The following EPM2A variants were observed in gnomAD, a reference collection of about 807,000 sequenced individuals.
EPM2A encodes laforin.
In EPM2A, 21 loss-of-function variants were observed where a neutral mutation model predicts 26.5. The ratio of observed to expected loss-of-function variants is 0.79; its 90% confidence interval spans 0.56 to 1.14. EPM2A has a LOEUF of 1.14. Among genes scored for constraint, EPM2A ranks in the 50% most tolerant of loss-of-function variants. The pLI, the probability that EPM2A is intolerant of heterozygous loss-of-function variation, is 0.00. For synonymous variants in EPM2A, 217 were observed against 177.6 expected (o/e 1.22, Z -1.76); for missense variants, 458 against 440.8 (o/e 1.04, Z -0.35).
At chr6:145,428,039 C>T (rs1582747326) in intron 4 of EPM2A, among the ~76,000 whole-genome samples, 1 of 133,262 alleles carries the variant, frequency 7.5e-6, no homozygotes, top group African/African-American at 2.7e-5. Flanking sequence ...TTTCTGTTTA[C>T]TGTGTTTTCT....
At chr6:145,648,808 T>C (rs1251352997) in intron 2 of EPM2A, among the ~76,000 whole-genome samples, 1 of 152,192 alleles carries the variant, frequency 6.6e-6, no homozygotes, top group Non-Finnish European at 1.5e-5. Flanking sequence ...CTTCCCCTTG[T>C]TGGGGGATTG....
chr6:145,543,915 G>C (rs918278592), intron 2 of EPM2A, among the ~76,000 whole-genome samples: 3 of 152,202 alleles, frequency 2.0e-5, no homozygotes, highest in Non-Finnish European at 4.4e-5. Flanking sequence ...AACGTGGGGA[G>C]CCAAAATGGG....
At chr6:145,474,582 A>C (rs563743335) in intron 4 of EPM2A, among the ~76,000 whole-genome samples, 1 of 152,206 alleles carries the variant, frequency 6.6e-6, no homozygotes, top group Non-Finnish European at 1.5e-5. Flanking sequence ...CATGACTAAA[A>C]CACCAAAAGC....
chr6:145,582,216 A>G (rs1261415042), intron 2 of EPM2A, among the ~76,000 whole-genome samples: 1 of 152,026 alleles, frequency 6.6e-6, no homozygotes, highest in African/African-American at 2.4e-5. Flanking sequence ...ATTCAGGAGC[A>G]GTTGTTTAAT....
intron 2 of EPM2A, among the ~76,000 whole-genome samples, chr6:145,557,409 G>A (rs1172755884): frequency 6.6e-6 from 1 of 151,714 alleles, no homozygotes; most frequent in Non-Finnish European, 1.5e-5. Flanking sequence ...AAATAAAAAT[G>A]GAGAAAAATA....
chr6:145,398,269 T>A (rs978466511), intron 4 of EPM2A, among the ~76,000 whole-genome samples: 11 of 152,286 alleles, frequency 7.2e-5, no homozygotes, highest in African/African-American at 2.6e-4. Context: ...TCTTTATTAG[T>A]AAGGTGCTCT....
At chr6:145,525,587 C>T (rs1780259842) in intron 2 of EPM2A, among the ~76,000 whole-genome samples, 1 of 152,018 alleles carries the variant, frequency 6.6e-6, no homozygotes, top group East Asian at 1.9e-4. Flanking sequence ...GTTGATTTGG[C>T]TCTCATCTTA....
intron 4 of EPM2A, among the ~76,000 whole-genome samples, chr6:145,398,674 A>G (rs988005306): frequency 6.6e-6 from 1 of 152,040 alleles, no homozygotes; most frequent in South Asian, 2.1e-4. Flanking sequence ...CGCCTCACCA[A>G]CATGGCGAAA....
intron 2 of EPM2A, among the ~76,000 whole-genome samples, chr6:145,661,530 G>C (rs1171943192): frequency 6.6e-6 from 1 of 152,158 alleles, no homozygotes; most frequent in Non-Finnish European, 1.5e-5. Flanking sequence ...CTTTATTTAA[G>C]CTGAAAAGCT....
intron 1 of EPM2A, among the ~76,000 whole-genome samples, chr6:145,703,086 CAT>C (rs1308746432): frequency 7.2e-6 from 1 of 139,702 alleles, no homozygotes; most frequent in Non-Finnish European, 1.5e-5. Flanking sequence ...ATTTGATAAA[CAT>C]GTTTCTTTTT....
chr6:145,654,750 G>A (rs777206629), intron 2 of EPM2A, among the ~76,000 whole-genome samples: 56 of 152,258 alleles, frequency 3.7e-4, no homozygotes, highest in Middle Eastern at 3.4e-3. Flanking sequence ...CTTGATAACT[G>A]TCTACTGAGT....
chr6:145,665,641 G>T (rs2128592831), intron 2 of EPM2A, among the ~76,000 whole-genome samples: 1 of 146,736 alleles, frequency 6.8e-6, no homozygotes, highest in Admixed American at 6.9e-5. Flanking sequence ...AGAAAAAGAG[G>T]GAATCCTCCC....
intron 1 of EPM2A, chr6:145,686,930 G>C (rs891109513): frequency 6.5e-6 from 1 of 153,952 alleles, no homozygotes; most frequent in African/African-American, 2.4e-5. Flanking sequence ...CCTTTCTGGC[G>C]TCTGATGCCT....
intron 2 of EPM2A, among the ~76,000 whole-genome samples, chr6:145,649,910 C>T (rs1777752233): frequency 6.6e-6 from 1 of 152,138 alleles, no homozygotes; most frequent in African/African-American, 2.4e-5. Context: ...AAACCCATAG[C>T]TCTACCCCAT....
intron 2 of EPM2A, among the ~76,000 whole-genome samples, chr6:145,563,699 A>T (rs1780841576): frequency 6.6e-6 from 1 of 152,204 alleles, no homozygotes; most frequent in Non-Finnish European, 1.5e-5. Flanking sequence ...TACCCAGATA[A>T]ACCTAACTCT....
chr6:145,573,022 G>T (rs1335507467), intron 2 of EPM2A, among the ~76,000 whole-genome samples: 1 of 152,176 alleles, frequency 6.6e-6, no homozygotes, highest in East Asian at 1.9e-4. Context: ...CCACACCACT[G>T]GACTTCTAGA....
At chr6:145,501,653 TGGGGGAAGAAG>T (rs1219291232) in exon 4 of EPM2A, 5 of 393,046 alleles carry the variant, frequency 1.3e-5, no homozygotes, top group African/African-American at 1.0e-4. Flanking sequence ...TGGGCAGAAG[TGGGGGAAGAAG>T]GAGTTACGAA....
At position 145,690,304 on chromosome 6, in the gene EPM2A, A is replaced by G. The variant is rs190916402; in HGVS notation, c.302-4008T>C. On this transcript the variant is annotated intron_variant, in intron 1 of 3. Transcript: ENST00000367519. The stretch of plus-strand genomic sequence containing the variant: ...GGCGGGTGGATCATGAGGTCAGGAG[A>G]TCGAGACCATCCTGGCTAACAAGGT... Among the ~76,000 whole-genome samples the G allele has an allele frequency of 2.0e-5, 3 of 152,012 alleles. No homozygotes were observed. In the East Asian group the frequency reaches 5.8e-4, roughly 29 times the overall value.
chr6:145,425,659 A>G (rs1309636670), intron 4 of EPM2A, among the ~76,000 whole-genome samples: 2 of 151,850 alleles, frequency 1.3e-5, no homozygotes, highest in Non-Finnish European at 1.5e-5. Context: ...GAAAAACTAT[A>G]TAAATCAAAT....
Sources: allele counts gnomAD v4.1 joint callset (sites outside exome capture counted in the v4.1 genomes callset), GRCh38; gene constraint gnomAD v4.1.1; transcripts MANE v1.5; gene names NCBI Gene and HGNC (gene_info 2026-07-23, HGNC 2026-07-21).